The following GALNT17 variants were observed in gnomAD, a reference collection of about 807,000 sequenced individuals.
GALNT17 encodes the protein polypeptide N-acetylgalactosaminyltransferase 17.
In GALNT17, 29 loss-of-function variants were observed where a neutral mutation model predicts 63.7. The ratio of observed to expected loss-of-function variants is 0.46; its 90% confidence interval spans 0.34 to 0.62. The LOEUF is 0.62. Ranked by LOEUF, GALNT17 falls within the 20% of genes least tolerant of loss-of-function variation. GALNT17 has a pLI of 0.01. For missense variants in GALNT17, 603 were observed against 799.6 expected (o/e 0.75, Z 2.97); for synonymous variants, 305 against 318.3 (o/e 0.96, Z 0.45).
At chr7:71,374,834 A>ATTTTT (rs71089940) in intron 2 of GALNT17, among the ~76,000 whole-genome samples, 11 of 109,654 alleles carry the variant, frequency 1.0e-4, no homozygotes, top group South Asian at 3.0e-4. Flanking sequence ...CTTGAGGAGG[A>ATTTTT]TTTTTTTTTT....
chr7:71,678,729 A>G (rs1356187699), intron 9 of GALNT17, among the ~76,000 whole-genome samples: 1 of 151,630 alleles, frequency 6.6e-6, no homozygotes, highest in African/African-American at 2.4e-5. Flanking sequence ...CAGGAGGTGG[A>G]GCTTGCAGTG....
rs557139232 is a variant in GALNT17 at position 71,676,899 on chromosome 7, G to C, written c.1405-312G>C. ...CAAAGCTGTTTAGAAGTCTAAGATC[G>C]GGGTAACCAGTGCTCCTGTATGCAG... On this transcript the variant is annotated intron_variant, in intron 8 of 10. Coordinates refer to ENST00000333538, the MANE Select transcript of GALNT17 (RefSeq NM_022479.3). Among the ~76,000 whole-genome samples the C allele has an allele frequency of 9.9e-5, 15 of 152,230 alleles. No homozygotes were observed. In the South Asian group the frequency reaches 2.5e-3, roughly 25 times the overall value.
chr7:71,600,015 C>T (rs943305054), intron 6 of GALNT17, among the ~76,000 whole-genome samples: 1 of 151,636 alleles, frequency 6.6e-6, no homozygotes, highest in Non-Finnish European at 1.5e-5. Flanking sequence ...GACAAATATC[C>T]CCCAGGAGAG....
At chr7:71,644,154 G>C (rs980046305) in intron 6 of GALNT17, among the ~76,000 whole-genome samples, 1 of 152,062 alleles carries the variant, frequency 6.6e-6, no homozygotes, top group African/African-American at 2.4e-5. Context: ...TGTAATCCCA[G>C]CACTTTGAGA....
chr7:71,541,242 CA>C (rs9297114), intron 5 of GALNT17, among the ~76,000 whole-genome samples: 25,593 of 145,506 alleles, frequency 0.18, 2,236 homozygotes, highest in Middle Eastern at 0.22. Flanking sequence ...GACACTGTCT[CA>C]AAAAAAAAAA....
chr7:71,526,157 G>A (rs1022306712), intron 5 of GALNT17, among the ~76,000 whole-genome samples: 1 of 152,154 alleles, frequency 6.6e-6, no homozygotes, highest in Non-Finnish European at 1.5e-5. Context: ...AGTCAAAAAT[G>A]TTCTCACTTA....
chr7:71,576,707 A>G (rs935968883), intron 6 of GALNT17, among the ~76,000 whole-genome samples: 1 of 152,150 alleles, frequency 6.6e-6, no homozygotes, highest in Non-Finnish European at 1.5e-5. Context: ...AGTAGCTGGG[A>G]CTACAGGCAC....
At chr7:71,562,310 C>A (rs1209095489) in intron 5 of GALNT17, among the ~76,000 whole-genome samples, 1 of 152,140 alleles carries the variant, frequency 6.6e-6, no homozygotes, top group African/African-American at 2.4e-5. Context: ...ACCACTGGAG[C>A]CTGCTCTTCC....
At chr7:71,373,028 G>A (rs542687867) in intron 2 of GALNT17, among the ~76,000 whole-genome samples, 6 of 152,260 alleles carry the variant, frequency 3.9e-5, no homozygotes, top group South Asian at 2.1e-4. Flanking sequence ...TATGCATTGC[G>A]TGTCTCATTA....
At chr7:71,155,581 T>C (rs992367266) in intron 1 of GALNT17, among the ~76,000 whole-genome samples, 1 of 151,726 alleles carries the variant, frequency 6.6e-6, no homozygotes, top group Non-Finnish European at 1.5e-5. Flanking sequence ...CTTCTTCTTT[T>C]TTTAAAATTC....
chr7:71,560,282 T>A (rs1789234935), intron 5 of GALNT17, among the ~76,000 whole-genome samples: 1 of 151,680 alleles, frequency 6.6e-6, no homozygotes, highest in Non-Finnish European at 1.5e-5. Context: ...AGGGTGCTGT[T>A]GGTCTCAGTG....
chr7:71,634,753 CA>C (rs35015537), intron 6 of GALNT17, among the ~76,000 whole-genome samples: 93,356 of 110,126 alleles, frequency 0.85, 39,106 homozygotes, highest in East Asian at 0.97. Context: ...GACTCCATCT[CA>C]AAAAAAAAAA....
intron 6 of GALNT17, among the ~76,000 whole-genome samples, chr7:71,588,545 A>T (rs1216593610): frequency 6.6e-6 from 1 of 152,216 alleles, no homozygotes; most frequent in Non-Finnish European, 1.5e-5. Flanking sequence ...CCGAGGCTAC[A>T]AGTCAGTTAA....
intron 5 of GALNT17, among the ~76,000 whole-genome samples, chr7:71,499,565 G>A (rs558679589): frequency 1.5e-4 from 23 of 152,252 alleles, no homozygotes; most frequent in African/African-American, 4.6e-4. Flanking sequence ...TTAATGATAC[G>A]ATTGTTTTAT....
At chr7:71,329,404 G>C (rs1791762491) in intron 1 of GALNT17, among the ~76,000 whole-genome samples, 1 of 152,166 alleles carries the variant, frequency 6.6e-6, no homozygotes, top group African/African-American at 2.4e-5. Flanking sequence ...ATATATGTCA[G>C]GCTGTAATCG....
intron 5 of GALNT17, among the ~76,000 whole-genome samples, chr7:71,486,740 G>GTT: frequency 6.6e-6 from 1 of 151,794 alleles, no homozygotes; most frequent in Non-Finnish European, 1.5e-5. Flanking sequence ...ATATGTGCCT[G>GTT]TAAGTCCACC....
chr7:71,154,886 A>G (rs1788205860), intron 1 of GALNT17, among the ~76,000 whole-genome samples: 1 of 151,764 alleles, frequency 6.6e-6, no homozygotes, highest in Admixed American at 6.6e-5. Context: ...ACAATAGCTA[A>G]CATTTATTAA....
At chr7:71,571,537 G>C in intron 6 of GALNT17, 135 bp downstream of exon 6, 1 of 735,186 alleles carries the variant, frequency 1.4e-6, no homozygotes, top group Non-Finnish European at 2.3e-6. Context: ...TGTTCCTGGG[G>C]GATGCATGAG....
intron 6 of GALNT17, among the ~76,000 whole-genome samples, chr7:71,613,540 G>T (rs189430301): frequency 6.0e-4 from 92 of 152,264 alleles, no homozygotes; most frequent in African/African-American, 2.1e-3. Flanking sequence ...CTTTTTGGGA[G>T]GACCAATGAG....
Sources: allele counts gnomAD v4.1 joint callset (sites outside exome capture counted in the v4.1 genomes callset), GRCh38; gene constraint gnomAD v4.1.1; transcripts MANE v1.5; gene names NCBI Gene and HGNC (gene_info 2026-07-23, HGNC 2026-07-21).